The following CHRNA7 variants were observed in gnomAD, a reference collection of about 807,000 sequenced individuals.
The protein encoded by CHRNA7 is cholinergic receptor nicotinic alpha 7 subunit.
Under a neutral mutation model 48.0 loss-of-function variants are expected in CHRNA7, and 17 were observed. The observed-to-expected ratio is 0.35, with a 90% CI of 0.24 to 0.53. The LOEUF is 0.53. Among genes scored for constraint, CHRNA7 ranks in the 20% least tolerant of loss-of-function variants. CHRNA7 has a pLI of 0.92. For missense variants in CHRNA7, 155 were observed against 577.7 expected (o/e 0.27, Z 7.50); for synonymous variants, 75 against 242.3 (o/e 0.31, Z 6.41).
chr15:32,144,346 A>AT (rs1486759360), intron 4 of CHRNA7, among the ~76,000 whole-genome samples: 3 of 151,852 alleles, frequency 2.0e-5, no homozygotes, highest in African/African-American at 7.3e-5. Context: ...TGCTGTTAAC[A>AT]TTTTTTCCCT....
intron 4 of CHRNA7, among the ~76,000 whole-genome samples, chr15:32,116,253 T>G (rs1372555298): frequency 6.6e-6 from 1 of 152,218 alleles, no homozygotes; most frequent in Non-Finnish European, 1.5e-5. Flanking sequence ...CTATTCTCGT[T>G]TGATATTGGA....
At chr15:32,125,464 G>C (rs1329885956) in intron 4 of CHRNA7, among the ~76,000 whole-genome samples, 2 of 152,168 alleles carry the variant, frequency 1.3e-5, no homozygotes, top group African/African-American at 4.8e-5. Context: ...TTACTGCCTG[G>C]GGTCCCAGAG....
intron 4 of CHRNA7, among the ~76,000 whole-genome samples, chr15:32,151,812 TG>T (rs2051635788): frequency 6.6e-6 from 1 of 152,212 alleles, no homozygotes; most frequent in African/African-American, 2.4e-5. Flanking sequence ...TTTTTTGGTG[TG>T]TATCCTCCAC....
At chr15:32,101,161 C>T in intron 2 of CHRNA7, 142 bp from the exon 3 acceptor site, 2 of 752,846 alleles carry the variant, frequency 2.7e-6, no homozygotes, top group Non-Finnish European at 4.4e-6. Flanking sequence ...ATGCTGCTTG[C>T]ATATATTGGA....
chr15:32,086,333 C>T lies in CHRNA7; in HGVS notation c.196-14970C>T, dbSNP rs563684460. Among the ~76,000 whole-genome samples, 8 of 143,850 alleles carry T rather than the reference C, an allele frequency of 5.6e-5. No homozygotes were observed. The South Asian group carries it at 1.8e-3, about 31-fold the overall frequency. The allele number at this position is 143,850 out of a possible 152,430, so 94.4% of individuals were successfully genotyped here. On this transcript the variant is annotated intron_variant, in intron 2 of 9. Coordinates refer to ENST00000306901, the MANE Select transcript of CHRNA7 (RefSeq NM_000746.6). Reference sequence around the variant, plus strand: ...GCAGTGAGCCAAGATTGCACCACTGCACTCAGCCTGGGTGACAGAGCGAGA... The same window carrying T: ...GCAGTGAGCCAAGATTGCACCACTGTACTCAGCCTGGGTGACAGAGCGAGA...
At position 32,093,551 on chromosome 15, in the gene CHRNA7, C is replaced by T. The variant is rs76564428; in HGVS notation, c.196-7752C>T. Reference sequence around the variant, plus strand: ...CTGAACACCTTGGTCTGCCTTGCTCCCTTCAATCTGGCATTGGGCAAATTG... The same window carrying T: ...CTGAACACCTTGGTCTGCCTTGCTCTCTTCAATCTGGCATTGGGCAAATTG... On this transcript the variant is annotated intron_variant, in intron 2 of 9. Transcript: ENST00000306901. 3.3e-5 allele frequency among the ~76,000 whole-genome samples: 5 copies of T among 152,292 alleles called. No individual in the cohort carries two copies. The East Asian group carries it at 9.7e-4, about 29-fold the overall frequency.
chr15:32,123,213 G>T (rs1419239445), intron 4 of CHRNA7, among the ~76,000 whole-genome samples: 2 of 152,206 alleles, frequency 1.3e-5, no homozygotes, highest in Admixed American at 6.5e-5. Context: ...GGACTAAGAA[G>T]TAGAAGAAGT....
chr15:32,144,727 T>C (rs1448116203), intron 4 of CHRNA7, among the ~76,000 whole-genome samples: 1 of 152,256 alleles, frequency 6.6e-6, no homozygotes, highest in Non-Finnish European at 1.5e-5. Context: ...AGCTTGTGCA[T>C]GTGTCATGAA....
intron 2 of CHRNA7, among the ~76,000 whole-genome samples, chr15:32,047,966 A>T (rs1297967027): frequency 6.6e-6 from 1 of 152,094 alleles, no homozygotes; most frequent in Non-Finnish European, 1.5e-5. Context: ...TATATGCTGG[A>T]TTACATTTAT....
intron 2 of CHRNA7, among the ~76,000 whole-genome samples, chr15:32,034,493 T>C (rs1473884955): frequency 6.6e-6 from 1 of 152,066 alleles, no homozygotes; most frequent in African/African-American, 2.4e-5. Flanking sequence ...TGATTTTTCT[T>C]TGGTAGGAGG....
intron 2 of CHRNA7, among the ~76,000 whole-genome samples, chr15:32,036,985 T>C (rs1902122396): frequency 6.6e-6 from 1 of 152,196 alleles, no homozygotes; most frequent in East Asian, 1.9e-4. Context: ...CCTCTGGTAT[T>C]GTATCTAAAA....
chr15:32,134,543 T>C (rs1385461830), intron 4 of CHRNA7, among the ~76,000 whole-genome samples: 1 of 152,176 alleles, frequency 6.6e-6, no homozygotes, highest in Non-Finnish European at 1.5e-5. Flanking sequence ...GTATGAGGAA[T>C]GAAACACTAT....
chr15:32,103,656 G>A (rs2050612112), intron 3 of CHRNA7, among the ~76,000 whole-genome samples: 1 of 152,134 alleles, frequency 6.6e-6, no homozygotes, highest in South Asian at 2.1e-4. Context: ...GGAAGGCCCA[G>A]GCCTTCTTCC....
intron 2 of CHRNA7, among the ~76,000 whole-genome samples, chr15:32,080,727 CAG>C (rs1345414064): frequency 3.3e-5 from 5 of 152,266 alleles, no homozygotes; most frequent in African/African-American, 9.6e-5. Flanking sequence ...TTGTGGAAGA[CAG>C]TGTGGCAATT....
intron 2 of CHRNA7, among the ~76,000 whole-genome samples, chr15:32,055,405 A>C (rs1236129364): frequency 6.6e-6 from 1 of 152,108 alleles, no homozygotes; most frequent in Non-Finnish European, 1.5e-5. Flanking sequence ...GGGGATGGTA[A>C]AGTCTGATAT....
chr15:32,032,496 T>C (rs1462218062), intron 2 of CHRNA7, among the ~76,000 whole-genome samples: 1 of 152,208 alleles, frequency 6.6e-6, no homozygotes, highest in Non-Finnish European at 1.5e-5. Context: ...TGGAAACAAC[T>C]TGAAGAGACC....
At chr15:32,046,385 A>G (rs1255620048) in intron 2 of CHRNA7, among the ~76,000 whole-genome samples, 3 of 147,762 alleles carry the variant, frequency 2.0e-5, no homozygotes, top group Non-Finnish European at 1.5e-5. Flanking sequence ...ATGGTATCTC[A>G]CTGTGGTTTT....
chr15:32,076,593 C>CT (rs932907042), intron 2 of CHRNA7, among the ~76,000 whole-genome samples: 8 of 152,056 alleles, frequency 5.3e-5, no homozygotes, highest in Non-Finnish European at 1.0e-4. Flanking sequence ...TTTGGTCATG[C>CT]TTTTTTGTTG....
At chr15:32,096,626 T>TCAGCACA (rs1365076416) in intron 2 of CHRNA7, among the ~76,000 whole-genome samples, 1 of 150,614 alleles carries the variant, frequency 6.6e-6, no homozygotes, top group Non-Finnish European at 1.5e-5. Flanking sequence ...TTTTTTTTTC[T>TCAGCACA]CAGCATCTAC....
Sources: allele counts gnomAD v4.1 joint callset (sites outside exome capture counted in the v4.1 genomes callset), GRCh38; gene constraint gnomAD v4.1.1; transcripts MANE v1.5; gene names NCBI Gene and HGNC (gene_info 2026-07-23, HGNC 2026-07-21).